PPAT: variants seen among roughly 807,000 people sequenced by gnomAD.
PPAT encodes the protein amidophosphoribosyltransferase.
A neutral mutation model predicts 60.2 loss-of-function variants in PPAT; 20 were observed. That is an observed-to-expected ratio of 0.33 (90% CI 0.23 to 0.48). The LOEUF is 0.48. PPAT is among the 20% of genes least tolerant of loss of function. The probability of loss-of-function intolerance (pLI) is 0.99; values close to 1 mark genes in which losing one functional copy is unlikely to be tolerated. For synonymous variants in PPAT, 194 were observed against 215.1 expected (o/e 0.90, Z 0.86); for missense variants, 349 against 629.6 (o/e 0.55, Z 4.77).
chr4:56,421,728 A>G (rs1717048162), intron 1 of PPAT: 2 of 152,224 alleles, frequency 1.3e-5, no homozygotes, highest in African/African-American at 4.8e-5. Context: ...CTAGAGAACT[A>G]TACATCTCCC....
intron 1 of PPAT, chr4:56,419,762 A>G: frequency 1.0e-6 from 1 of 985,058 alleles, no homozygotes; most frequent in Non-Finnish European, 1.2e-6. Context: ...AACTAGAGGG[A>G]ACAGTGAGAA....
At chr4:56,416,797 G>T (rs915087979) in intron 1 of PPAT, among the ~76,000 whole-genome samples, 1 of 152,130 alleles carries the variant, frequency 6.6e-6, no homozygotes, top group Admixed American at 6.6e-5. Flanking sequence ...CCACAACCAG[G>T]TCAAGGATAA....
At position 56,394,510 on chromosome 4, in the gene PPAT, G is replaced by A. The variant is rs1715914902; in HGVS notation, c.*842C>T. ...TTATTTCAAATGTACCAGGTTACTT[G>A]CTGAGCTTATAGTATCAGGGCACTA... On this transcript the variant is annotated 3_prime_UTR_variant, in exon 11 of 11. Transcript: ENST00000264220. 1 of 152,010 alleles carries A rather than the reference G, an allele frequency of 6.6e-6. No homozygotes were observed. The allele number at this position is 152,010 out of a possible 1,614,324, so 9.4% of individuals were successfully genotyped here.
rs567098947 is a variant in PPAT at position 56,410,436 on chromosome 4, T to C, written c.129-2720A>G. The stretch of plus-strand genomic sequence containing the variant: ...TACATCCTTTCAGCTCTTCGGAGCT[T>C]ATTGACAACCAGCCATGTGGTTTCC... On this transcript the variant is annotated intron_variant, in intron 1 of 10. Coordinates refer to ENST00000264220, the MANE Select transcript of PPAT (RefSeq NM_002703.5). 27 of 762,466 alleles carry C rather than the reference T, an allele frequency of 3.5e-5. 1 individual carries two copies. In the East Asian group the frequency reaches 3.0e-3, roughly 83 times the overall value. The allele number at this position is 762,466 out of a possible 1,614,324, so 47.2% of individuals were successfully genotyped here.
intron 3 of PPAT, among the ~76,000 whole-genome samples, chr4:56,404,702 AT>A (rs1197983315): frequency 2.0e-5 from 3 of 152,200 alleles, no homozygotes; most frequent in Non-Finnish European, 4.4e-5. Context: ...TAAATGAACT[AT>A]GTATTTTTTC....
At chr4:56,404,906 T>C (rs73155901) in intron 3 of PPAT, among the ~76,000 whole-genome samples, 4,001 of 152,212 alleles carry the variant, frequency 0.026, 151 homozygotes, top group East Asian at 0.19. Context: ...CATATGTGAA[T>C]TGCCCAGCTC....
In PPAT at chr4:56,435,398, A is replaced by G; in HGVS notation, c.80T>C (p.Leu27Pro). 6.2e-7 allele frequency: 1 copy of G among 1,613,140 alleles called. No individual in the cohort carries two copies. The highest frequency in any genetic ancestry group is 8.5e-7 in the Non-Finnish European group (1 of 1,179,704). ...CIASGEWPTQ[L>P]DVPHVITLGL... ...CAGAGTGATCACATGCGGTACATCC[A>G]GCTGCGTGGGCCACTCTCCTGAGGC... Residue 27 changes from leucine (L) to proline (P), a missense_variant, in exon 1 of 11, where the codon CTG (leucine) becomes CCG (proline). By Grantham distance (98) the Leu-to-Pro change is moderately conservative (BLOSUM62 -3). Around this residue, in one of 5 missense-constraint regions of PPAT, gnomAD observed 115 missense variants for 174.5 expected, o/e 0.66. Transcript: ENST00000264220.
At chr4:56,410,930 A>AT in intron 1 of PPAT, 1 of 887,070 alleles carries the variant, frequency 1.1e-6, no homozygotes, top group Non-Finnish European at 1.3e-6. Context: ...AAAAAAAAAG[A>AT]AAAGTACTCT....
intron 1 of PPAT, among the ~76,000 whole-genome samples, chr4:56,424,927 TTAAA>T (rs1298381704): frequency 1.3e-5 from 2 of 152,306 alleles, no homozygotes; most frequent in Admixed American, 6.5e-5. Flanking sequence ...TCAAGCATAC[TTAAA>T]TAAGCATAGA....
chr4:56,399,488 C>A, intron 8 of PPAT, 88 bp from the exon 9 acceptor site: 2 of 1,003,978 alleles, frequency 2.0e-6, no homozygotes, highest in South Asian at 2.0e-5. Flanking sequence ...CCACAATATT[C>A]AAGTAAAATT....
intron 1 of PPAT, among the ~76,000 whole-genome samples, chr4:56,428,746 A>C (rs892952527): frequency 6.6e-6 from 1 of 152,224 alleles, no homozygotes; most frequent in South Asian, 2.1e-4. Context: ...ATCATTAAAA[A>C]TAGGTACCTA....
At chr4:56,428,281 A>G (rs998726661) in intron 1 of PPAT, among the ~76,000 whole-genome samples, 1 of 152,200 alleles carries the variant, frequency 6.6e-6, no homozygotes, top group African/African-American at 2.4e-5. Flanking sequence ...TCATTTACAG[A>G]TTATAACAGT....
chr4:56,430,570 G>C (rs1717530686), intron 1 of PPAT, among the ~76,000 whole-genome samples: 1 of 152,014 alleles, frequency 6.6e-6, no homozygotes, highest in Non-Finnish European at 1.5e-5. Context: ...TAAAGTATTA[G>C]CAAATAGCAA....
intron 1 of PPAT, among the ~76,000 whole-genome samples, chr4:56,409,931 C>A (rs575346259): frequency 6.6e-6 from 1 of 152,218 alleles, no homozygotes; most frequent in Admixed American, 6.5e-5. Context: ...TCTAAAAAAA[C>A]TTGGCATGAT....
At chr4:56,395,673 T>TA in intron 10 of PPAT, 125 bp from the exon 11 acceptor site, 4 of 636,768 alleles carry the variant, frequency 6.3e-6, no homozygotes, top group East Asian at 3.9e-5. Context: ...TAGCCTTTCT[T>TA]TAAAAAAAAA....
intron 1 of PPAT, among the ~76,000 whole-genome samples, chr4:56,414,053 T>C (rs1257129519): frequency 1.3e-5 from 2 of 152,226 alleles, no homozygotes; most frequent in Non-Finnish European, 2.9e-5. Flanking sequence ...TGACCATTCA[T>C]GTCAATTGGG....
At chr4:56,429,022 T>C in intron 1 of PPAT, 1 of 894,846 alleles carries the variant, frequency 1.1e-6, no homozygotes, top group Non-Finnish European at 1.3e-6. Flanking sequence ...GCCAGAGAAA[T>C]AACAAGTTCT....
intron 5 of PPAT, among the ~76,000 whole-genome samples, chr4:56,402,662 C>T (rs993255947): frequency 6.6e-6 from 1 of 151,620 alleles, no homozygotes; most frequent in African/African-American, 2.4e-5. Context: ...ACTAAAAATA[C>T]AAAATTAGCT....
At chr4:56,434,534 A>AT (rs1191023432) in intron 1 of PPAT, among the ~76,000 whole-genome samples, 2 of 152,110 alleles carry the variant, frequency 1.3e-5, no homozygotes, top group Admixed American at 6.5e-5. Context: ...AAGCAAAGTA[A>AT]TTTTTTTTAA....
Sources: allele counts gnomAD v4.1 joint callset (sites outside exome capture counted in the v4.1 genomes callset), GRCh38; gene constraint gnomAD v4.1.1; regional missense constraint gnomAD v4.1.1; transcripts MANE v1.5; gene names NCBI Gene and HGNC (gene_info 2026-07-23, HGNC 2026-07-21).